The following CACNB4 variants were observed in gnomAD, a reference collection of about 807,000 sequenced individuals.
CACNB4 encodes the protein voltage-dependent L-type calcium channel subunit beta-4.
In CACNB4, 32 loss-of-function variants were observed where a neutral mutation model predicts 71.2. The observed-to-expected ratio is 0.45, with a 90% CI of 0.34 to 0.60. CACNB4 has a LOEUF of 0.60. Ranked by LOEUF, CACNB4 falls within the 20% of genes least tolerant of loss-of-function variation. The pLI, the probability that CACNB4 is intolerant of heterozygous loss-of-function variation, is 0.01. For missense variants in CACNB4, 464 were observed against 647.9 expected, an observed-to-expected ratio of 0.72 and a Z score of 3.08; for synonymous variants, 231 against 236.9, an observed-to-expected ratio of 0.97 and a Z score of 0.23.
chr2:152,006,682 C>T (rs1214258089), intron 2 of CACNB4, among the ~76,000 whole-genome samples: 6 of 152,166 alleles, frequency 3.9e-5, no homozygotes, highest in Non-Finnish European at 8.8e-5. Flanking sequence ...AGGCATGAGA[C>T]ACCACGCCTG....
At chr2:151,912,297 G>A (rs1226415193) in intron 2 of CACNB4, among the ~76,000 whole-genome samples, 1 of 152,132 alleles carries the variant, frequency 6.6e-6, no homozygotes, top group Non-Finnish European at 1.5e-5. Context: ...TTCTGATGTG[G>A]GCATTTAGTG....
chr2:151,978,442 C>CA (rs2099874177), intron 2 of CACNB4, among the ~76,000 whole-genome samples: 1 of 152,064 alleles, frequency 6.6e-6, no homozygotes, highest in Non-Finnish European at 1.5e-5. Context: ...TACCATGAAG[C>CA]AAAGTGCTTA....
At chr2:152,090,828 T>C (rs898567373) in intron 2 of CACNB4, among the ~76,000 whole-genome samples, 1 of 151,932 alleles carries the variant, frequency 6.6e-6, no homozygotes, top group Non-Finnish European at 1.5e-5. Context: ...GGTGGATCAC[T>C]TGAAGTCAGG....
At chr2:151,841,847 C>A in intron 13 of CACNB4, 56 bp downstream of exon 13, 1 of 1,478,286 alleles carries the variant, frequency 6.8e-7, no homozygotes, top group South Asian at 1.2e-5. Flanking sequence ...TAATCAAGTT[C>A]CCATAGAATT....
intron 2 of CACNB4, among the ~76,000 whole-genome samples, chr2:152,046,941 A>C (rs1012755593): frequency 2.6e-5 from 4 of 152,086 alleles, no homozygotes; most frequent in African/African-American, 9.7e-5. Context: ...GCAAAGTGAA[A>C]TTTCTTCACC....
In CACNB4 at chr2:151,973,826, T is replaced by C. The variant is rs1421842483; in HGVS notation, c.148-90456A>G. 13 of 1,511,392 alleles carry C rather than the reference T, an allele frequency of 8.6e-6. 1 individual carries two copies. The East Asian group carries it at 2.9e-4, about 34-fold the overall frequency. The allele number at this position is 1,511,392 out of a possible 1,614,324, so 93.6% of individuals were successfully genotyped here. A position where few individuals can be genotyped will look rare whatever the true frequency, so the allele number is the denominator to read the frequency against. On this transcript the variant is annotated intron_variant, in intron 2 of 13. Coordinates refer to ENST00000539935, the MANE Select transcript of CACNB4 (RefSeq NM_000726.5). ...GTTTGGGAGAACTGCGCCTGCCTTA[T>C]CAATTCCTGTGGATTTACCAGGCAA...
chr2:151,969,359 CAT>C (rs1477086434), intron 2 of CACNB4: 1 of 152,214 alleles, frequency 6.6e-6, no homozygotes, highest in Non-Finnish European at 1.5e-5. Context: ...GGCCCCTAAA[CAT>C]ATAAATCCTT....
chr2:151,995,291 G>A (rs1472815280), intron 2 of CACNB4, among the ~76,000 whole-genome samples: 1 of 148,996 alleles, frequency 6.7e-6, no homozygotes. Flanking sequence ...AAACCACAAG[G>A]CCAAAGTCAT....
chr2:151,923,920 G>A (rs1299251391), intron 2 of CACNB4, among the ~76,000 whole-genome samples: 2 of 151,912 alleles, frequency 1.3e-5, no homozygotes, highest in African/African-American at 4.8e-5. Flanking sequence ...AGTATAATTC[G>A]GTAATTTCTA....
chr2:151,955,413 T>C (rs977341987), intron 2 of CACNB4, among the ~76,000 whole-genome samples: 4 of 152,142 alleles, frequency 2.6e-5, no homozygotes, highest in African/African-American at 9.7e-5. Context: ...CAGAAAAGAA[T>C]GGTAAGACTT....
intron 2 of CACNB4, among the ~76,000 whole-genome samples, chr2:151,896,554 C>T (rs1259326602): frequency 6.6e-6 from 1 of 152,126 alleles, no homozygotes; most frequent in African/African-American, 2.4e-5. Flanking sequence ...CACACGATAC[C>T]CACCCCTCCC....
intron 2 of CACNB4, among the ~76,000 whole-genome samples, chr2:152,088,584 G>A (rs558176017): frequency 5.6e-4 from 85 of 152,320 alleles, no homozygotes; most frequent in African/African-American, 1.9e-3. Context: ...CAACCTTGGA[G>A]AAAGATACAT....
At chr2:151,921,450 A>G (rs2099858999) in intron 2 of CACNB4, among the ~76,000 whole-genome samples, 2 of 152,232 alleles carry the variant, frequency 1.3e-5, no homozygotes, top group African/African-American at 4.8e-5. Flanking sequence ...CCACAAACTT[A>G]ATGGCTTAAG....
intron 2 of CACNB4, chr2:151,972,444 T>G (rs960233221): frequency 2.0e-5 from 3 of 152,340 alleles, no homozygotes; most frequent in Non-Finnish European, 2.9e-5. Context: ...CACCTGCAAG[T>G]GTGGACCTTC....
chr2:151,891,537 CAA>C (rs2099850717), intron 2 of CACNB4, among the ~76,000 whole-genome samples: 1 of 152,142 alleles, frequency 6.6e-6, no homozygotes, highest in African/African-American at 2.4e-5. Context: ...GAACAAAAAA[CAA>C]AGATTACTTG....
intron 6 of CACNB4, 111 bp from the exon 7 acceptor site, chr2:151,870,972 C>T: frequency 1.3e-6 from 1 of 757,230 alleles, no homozygotes; most frequent in Non-Finnish European, 2.2e-6. Flanking sequence ...TTATCTTCAC[C>T]ACCTTCCTAT....
chr2:152,024,791 C>T (rs929395995), intron 2 of CACNB4, among the ~76,000 whole-genome samples: 1 of 152,212 alleles, frequency 6.6e-6, no homozygotes, highest in Non-Finnish European at 1.5e-5. Flanking sequence ...CGTGGTGGCT[C>T]ACGCCTGTAA....
chr2:151,906,913 G>A (rs114662723), intron 2 of CACNB4, among the ~76,000 whole-genome samples: 1 of 152,138 alleles, frequency 6.6e-6, no homozygotes, highest in Non-Finnish European at 1.5e-5. Context: ...TGTTTTTTCT[G>A]ATAACCTTTT....
intron 2 of CACNB4, among the ~76,000 whole-genome samples, chr2:152,010,549 CT>C (rs1473656863): frequency 1.3e-5 from 2 of 152,226 alleles, no homozygotes; most frequent in African/African-American, 4.8e-5. Context: ...ATATTAGAGA[CT>C]TCACACATGT....
Sources: gnomAD v4.1 joint callset for allele counts (sites outside exome capture counted in the v4.1 genomes callset) on GRCh38, gnomAD v4.1.1 for gene constraint, MANE v1.5 for transcripts, NCBI Gene and HGNC (gene_info 2026-07-23, HGNC 2026-07-21) for gene names.